IGSF5: variants seen among roughly 807,000 people sequenced by gnomAD.
IGSF5 encodes immunoglobulin superfamily 5 like.
In IGSF5, 41 loss-of-function variants were observed where a neutral mutation model predicts 39.4. That is an observed-to-expected ratio of 1.04 (90% CI 0.81 to 1.35). IGSF5 has a LOEUF of 1.35. Ranked by LOEUF, IGSF5 falls within the 40% of genes most tolerant of loss-of-function variation. The pLI, the probability that IGSF5 is intolerant of heterozygous loss-of-function variation, is 0.00. For missense variants in IGSF5, 487 were observed against 494.6 expected, an observed-to-expected ratio of 0.98 and a Z score of 0.15; for synonymous variants, 183 against 175.3, an observed-to-expected ratio of 1.04 and a Z score of -0.34.
chr21:39,740,760 G>GAA (rs978185581), upstream of IGSF5, among the ~76,000 whole-genome samples: 7 of 152,326 alleles, frequency 4.6e-5, no homozygotes, highest in Admixed American at 3.9e-4. Flanking sequence ...TTGTGTGGAA[G>GAA]AAATGTGTCC....
At chr21:39,765,194 T>G (rs1341377771) in intron 2 of IGSF5, among the ~76,000 whole-genome samples, 1 of 152,232 alleles carries the variant, frequency 6.6e-6, no homozygotes, top group Non-Finnish European at 1.5e-5. Context: ...TAAACCCAGG[T>G]TGATTTCATC....
intron 3 of IGSF5, among the ~76,000 whole-genome samples, chr21:39,767,020 G>A (rs1190017918): frequency 5.9e-5 from 9 of 152,068 alleles, no homozygotes; most frequent in Non-Finnish European, 1.5e-5. Flanking sequence ...TTACTTTTGT[G>A]TGTTTTTAAT....
At chr21:39,787,570 T>G (rs2086930465) in intron 5 of IGSF5, among the ~76,000 whole-genome samples, 1 of 151,182 alleles carries the variant, frequency 6.6e-6, no homozygotes, top group Admixed American at 6.6e-5. Context: ...TTTTTTTTTT[T>G]TGGTGGGGTG....
intron 5 of IGSF5, among the ~76,000 whole-genome samples, chr21:39,781,924 A>G (rs965826366): frequency 6.6e-6 from 1 of 152,096 alleles, no homozygotes; most frequent in African/African-American, 2.4e-5. Context: ...CATAGGAAGT[A>G]TTTCCTTATA....
At chr21:39,773,849 T>A (rs764661826) in intron 4 of IGSF5, among the ~76,000 whole-genome samples, 46 of 152,192 alleles carry the variant, frequency 3.0e-4, no homozygotes, top group Non-Finnish European at 5.1e-4. Flanking sequence ...AAAGCATATA[T>A]CTTAACGAGG....
chr21:39,779,430 G>C, intron 5 of IGSF5, 125 bp downstream of exon 5: 1 of 1,245,750 alleles, frequency 8.0e-7, no homozygotes, highest in Non-Finnish European at 1.1e-6. Flanking sequence ...ACCTCTATTA[G>C]AAACTGTGGT....
intron 2 of IGSF5, among the ~76,000 whole-genome samples, chr21:39,754,283 T>C (rs1331235082): frequency 6.6e-6 from 1 of 152,246 alleles, no homozygotes; most frequent in Non-Finnish European, 1.5e-5. Context: ...TGACTGACAA[T>C]CATTTTGTTT....
chr21:39,787,619 T>G (rs2086931174), intron 5 of IGSF5, among the ~76,000 whole-genome samples: 1 of 151,000 alleles, frequency 6.6e-6, no homozygotes, highest in Non-Finnish European at 1.5e-5. Flanking sequence ...TGGTACATAT[T>G]GATTGAAAAT....
At chr21:39,723,379 G>A in the IGSF5 span, among the ~76,000 whole-genome samples, 1 of 152,160 alleles carries the variant, frequency 6.6e-6, no homozygotes, top group East Asian at 1.9e-4. Flanking sequence ...TGCTGAGAAG[G>A]GAATAGAGAG....
the IGSF5 span, among the ~76,000 whole-genome samples, chr21:39,719,635 A>G: frequency 1.3e-5 from 2 of 152,234 alleles, no homozygotes; most frequent in African/African-American, 2.4e-5. Flanking sequence ...ACTAGAATCC[A>G]TAGATTCCTG....
chr21:39,741,799 C>G (rs372962543), upstream of IGSF5, among the ~76,000 whole-genome samples: 22 of 152,262 alleles, frequency 1.4e-4, 1 homozygote, highest in African/African-American at 5.3e-4. Context: ...GTAAACCACT[C>G]TGCTTCCTCT....
At chr21:39,733,734 C>T in the IGSF5 span, among the ~76,000 whole-genome samples, 28 of 152,314 alleles carry the variant, frequency 1.8e-4, no homozygotes, top group African/African-American at 6.3e-4. Flanking sequence ...TTCCCTTTGA[C>T]GGCTCTAGGG....
chr21:39,797,173 G>A (rs2087000519), intron 8 of IGSF5, among the ~76,000 whole-genome samples: 1 of 151,626 alleles, frequency 6.6e-6, no homozygotes, highest in African/African-American at 2.4e-5. Flanking sequence ...TCACAAGCAA[G>A]GTACTATAAG....
the IGSF5 span, among the ~76,000 whole-genome samples, chr21:39,717,257 C>T: frequency 2.0e-5 from 3 of 152,162 alleles, no homozygotes; most frequent in Non-Finnish European, 2.9e-5. Context: ...TTGTCAGATG[C>T]ATAGTTTGCA....
the IGSF5 span, among the ~76,000 whole-genome samples, chr21:39,722,770 A>G: frequency 2.0e-5 from 3 of 152,110 alleles, no homozygotes; most frequent in African/African-American, 7.2e-5. Context: ...ACCACCTTAC[A>G]TATATTTATC....
chr21:39,715,841 G>A, the IGSF5 span, among the ~76,000 whole-genome samples: 2 of 152,150 alleles, frequency 1.3e-5, no homozygotes, highest in South Asian at 2.1e-4. Context: ...AGAATTCACC[G>A]GATTACTGAG....
upstream of IGSF5, among the ~76,000 whole-genome samples, chr21:39,742,347 A>T (rs2146266096): frequency 6.6e-6 from 1 of 152,190 alleles, no homozygotes; most frequent in East Asian, 1.9e-4. Flanking sequence ...CTGTCCTAGG[A>T]CCCCTCGGAT....
At chr21:39,758,958 A>T (rs1469246368) in intron 2 of IGSF5, among the ~76,000 whole-genome samples, 1 of 152,238 alleles carries the variant, frequency 6.6e-6, no homozygotes, top group African/African-American at 2.4e-5. Flanking sequence ...AAGTGAGCAC[A>T]TTTGTATGAT....
chr21:39,717,493 A>G, the IGSF5 span, among the ~76,000 whole-genome samples: 96 of 152,326 alleles, frequency 6.3e-4, no homozygotes, highest in Non-Finnish European at 1.1e-3. Context: ...TTAAGTCTTC[A>G]ATCCATCTTG....
Sources: gnomAD v4.1 joint callset for allele counts (sites outside exome capture counted in the v4.1 genomes callset) on GRCh38, gnomAD v4.1.1 for gene constraint, MANE v1.5 for transcripts, NCBI Gene and HGNC (gene_info 2026-07-23, HGNC 2026-07-21) for gene names.